The following KIAA1217 variants were observed in gnomAD, a reference collection of about 807,000 sequenced individuals.
The protein encoded by KIAA1217 is KIAA1217, also known as sickle tail protein homolog.
KIAA1217 carries 88 observed loss-of-function variants against 163.9 expected under a neutral mutation model. The observed-to-expected ratio is 0.54, with a 90% CI of 0.45 to 0.64. KIAA1217 has a LOEUF of 0.64. KIAA1217 is among the 30% of genes least tolerant of loss of function. The pLI, the probability that KIAA1217 is intolerant of heterozygous loss-of-function variation, is 0.00. For missense variants in KIAA1217, 2,372 were observed against 2,475.0 expected, an observed-to-expected ratio of 0.96 and a Z score of 0.88; for synonymous variants, 903 against 923.1, an observed-to-expected ratio of 0.98 and a Z score of 0.39.
At chr10:23,739,350 T>C (rs909905439) in intron 1 of KIAA1217, among the ~76,000 whole-genome samples, 2 of 152,232 alleles carry the variant, frequency 1.3e-5, no homozygotes, top group Non-Finnish European at 2.9e-5. Context: ...TATGAGCATG[T>C]AACAAAATTG....
chr10:24,402,833 C>T (rs1371140836), intron 3 of KIAA1217, among the ~76,000 whole-genome samples: 3 of 152,052 alleles, frequency 2.0e-5, no homozygotes, highest in African/African-American at 7.2e-5. Context: ...TCTTTTCATC[C>T]TCTGAAGGAG....
intron 6 of KIAA1217, among the ~76,000 whole-genome samples, chr10:24,493,800 C>T (rs541242194): frequency 6.6e-6 from 1 of 152,270 alleles, no homozygotes; most frequent in East Asian, 1.9e-4. Flanking sequence ...CAGAGTCTCA[C>T]TCTTTTGCCC....
chr10:24,258,357 A>G (rs879464814), intron 2 of KIAA1217, among the ~76,000 whole-genome samples: 1 of 152,176 alleles, frequency 6.6e-6, no homozygotes, highest in African/African-American at 2.4e-5. Context: ...AGCGGGACAT[A>G]TTTGAAATCC....
At chr10:24,105,818 G>A (rs746320541) in intron 2 of KIAA1217, among the ~76,000 whole-genome samples, 7 of 152,292 alleles carry the variant, frequency 4.6e-5, no homozygotes, top group Non-Finnish European at 7.3e-5. Context: ...GGAAGCTATG[G>A]CAACCATCAA....
At chr10:24,159,385 G>A (rs1450937746) in intron 2 of KIAA1217, among the ~76,000 whole-genome samples, 1 of 152,056 alleles carries the variant, frequency 6.6e-6, no homozygotes, top group African/African-American at 2.4e-5. Flanking sequence ...ACAACAGTTT[G>A]GTAGTTTCTT....
At chr10:23,701,502 C>T (rs1209915272) in intron 1 of KIAA1217, among the ~76,000 whole-genome samples, 2 of 152,146 alleles carry the variant, frequency 1.3e-5, no homozygotes, top group East Asian at 3.9e-4. Flanking sequence ...TTGGGTTTGC[C>T]TCTTGCTGGT....
intron 2 of KIAA1217, among the ~76,000 whole-genome samples, chr10:24,191,972 T>C (rs1564810232): frequency 6.6e-6 from 1 of 152,210 alleles, no homozygotes; most frequent in African/African-American, 2.4e-5. Context: ...CTGGAACCCC[T>C]GACCTCAAGT....
At chr10:23,740,784 A>C (rs1263301659) in intron 1 of KIAA1217, among the ~76,000 whole-genome samples, 1 of 152,022 alleles carries the variant, frequency 6.6e-6, no homozygotes, top group Admixed American at 6.6e-5. Flanking sequence ...AGATTAAAAA[A>C]AAAAAAATGG....
At chr10:24,438,358 C>T (rs780852083) in intron 4 of KIAA1217, 28 bp from the exon 5 acceptor site, 27 of 1,513,856 alleles carry the variant, frequency 1.8e-5, no homozygotes, top group Non-Finnish European at 2.3e-5. Flanking sequence ...CTTTCATCTG[C>T]CATAGTTATC....
intron 1 of KIAA1217, among the ~76,000 whole-genome samples, chr10:23,833,515 T>C (rs1199885603): frequency 6.6e-6 from 1 of 151,976 alleles, no homozygotes; most frequent in Non-Finnish European, 1.5e-5. Flanking sequence ...ACCATTATCT[T>C]TCCTTAGCAT....
chr10:23,925,651 A>G (rs1353396116), intron 1 of KIAA1217, among the ~76,000 whole-genome samples: 1 of 152,216 alleles, frequency 6.6e-6, no homozygotes, highest in East Asian at 1.9e-4. Context: ...ATCATCCTTC[A>G]GGACTTGCCA....
intron 8 of KIAA1217, among the ~76,000 whole-genome samples, chr10:24,495,706 G>A (rs1331200205): frequency 1.3e-5 from 2 of 152,194 alleles, no homozygotes; most frequent in African/African-American, 4.8e-5. Flanking sequence ...GCCATCGGAA[G>A]GTTGTACACT....
At chr10:24,078,340 G>A (rs147962504) in intron 2 of KIAA1217, among the ~76,000 whole-genome samples, 1 of 152,160 alleles carries the variant, frequency 6.6e-6, no homozygotes, top group Admixed American at 6.5e-5. Context: ...TGGTGACCTT[G>A]GGAAGTCAGG....
intron 2 of KIAA1217, among the ~76,000 whole-genome samples, chr10:24,369,631 G>T (rs1733076948): frequency 1.3e-5 from 2 of 152,152 alleles, no homozygotes; most frequent in Admixed American, 6.5e-5. Context: ...AATGGCTTTT[G>T]TTAAGAAGGC....
intron 2 of KIAA1217, among the ~76,000 whole-genome samples, chr10:24,247,387 C>A (rs1447444867): frequency 6.6e-6 from 1 of 152,206 alleles, no homozygotes; most frequent in Non-Finnish European, 1.5e-5. Context: ...GCCTCTGCCT[C>A]CCCAAGTGTT....
intron 2 of KIAA1217, among the ~76,000 whole-genome samples, chr10:24,271,316 T>C (rs904273147): frequency 2.0e-5 from 3 of 152,198 alleles, no homozygotes; most frequent in Non-Finnish European, 2.9e-5. Context: ...TGAAATTTCA[T>C]GGTCATATAT....
intron 1 of KIAA1217, among the ~76,000 whole-genome samples, chr10:23,883,507 G>A (rs1312874987): frequency 6.6e-6 from 1 of 151,902 alleles, no homozygotes; most frequent in East Asian, 1.9e-4. Flanking sequence ...TAGCAAAACT[G>A]AGTAGAGGGT....
chr10:24,217,031 C>CAAAAAA (rs60303909), intron 1 of KIAA1217, among the ~76,000 whole-genome samples: 3 of 21,320 alleles, frequency 1.4e-4, no homozygotes, highest in African/African-American at 6.4e-4. Flanking sequence ...GACCTTGTCT[C>CAAAAAA]AAAAAAAAAA....
At chr10:23,958,384 T>A (rs528533871) in intron 1 of KIAA1217, among the ~76,000 whole-genome samples, 1 of 152,304 alleles carries the variant, frequency 6.6e-6, no homozygotes, top group South Asian at 2.1e-4. Context: ...CAGGCTTCAA[T>A]GTCCTTGTGA....
Sources: allele counts gnomAD v4.1 joint callset (sites outside exome capture counted in the v4.1 genomes callset), GRCh38; gene constraint gnomAD v4.1.1; transcripts MANE v1.5; gene names NCBI Gene and HGNC (gene_info 2026-07-23, HGNC 2026-07-21).